Variants in FHIT observed in about 807,000 individuals in gnomAD.
FHIT encodes bis(5'-adenosyl)-triphosphatase.
FHIT carries 19 observed loss-of-function variants against 17.9 expected under a neutral mutation model. The observed-to-expected ratio is 1.06, with a 90% CI of 0.74 to 1.56. FHIT has a LOEUF of 1.56. Ranked by LOEUF, FHIT falls within the 40% of genes most tolerant of loss-of-function variation. The pLI is 0.00. For synonymous variants in FHIT, 81 were observed against 69.7 expected, an observed-to-expected ratio of 1.16 and a Z score of -0.81; for missense variants, 248 against 189.2, an observed-to-expected ratio of 1.31 and a Z score of -1.82.
At chr3:60,201,124 C>T (rs1702883659) in intron 5 of FHIT, among the ~76,000 whole-genome samples, 1 of 152,038 alleles carries the variant, frequency 6.6e-6, no homozygotes, top group Non-Finnish European at 1.5e-5. Flanking sequence ...TTTACTGCTC[C>T]CTCTAGCCTG....
intron 2 of FHIT, among the ~76,000 whole-genome samples, chr3:61,103,606 C>T (rs529506559): frequency 1.4e-4 from 22 of 152,240 alleles, no homozygotes; most frequent in Middle Eastern, 6.8e-3. Flanking sequence ...TCCTGGATAT[C>T]CTTGTTAACC....
chr3:59,868,067 C>T (rs1020472977), intron 8 of FHIT, among the ~76,000 whole-genome samples: 1 of 119,234 alleles, frequency 8.4e-6, no homozygotes, highest in Non-Finnish European at 1.8e-5. Flanking sequence ...AAAAAAAAAA[C>T]CTTTCATTGT....
At chr3:60,763,811 G>A (rs1699749725) in intron 4 of FHIT, among the ~76,000 whole-genome samples, 1 of 152,192 alleles carries the variant, frequency 6.6e-6, no homozygotes, top group African/African-American at 2.4e-5. Context: ...AATTTGAAAT[G>A]AAGTGGAAGA....
chr3:59,929,531 C>T (rs1039257532), intron 7 of FHIT, among the ~76,000 whole-genome samples: 6 of 151,654 alleles, frequency 4.0e-5, no homozygotes, highest in Admixed American at 6.6e-5. Context: ...CCACTATGCC[C>T]GGCTAATTTT....
At chr3:59,952,371 C>A (rs990554489) in intron 7 of FHIT, among the ~76,000 whole-genome samples, 26 of 152,156 alleles carry the variant, frequency 1.7e-4, no homozygotes, top group Non-Finnish European at 5.9e-5. Flanking sequence ...GGGTTGGAGA[C>A]CCTCGGGACA....
At chr3:61,093,099 A>G (rs2035536412) in intron 2 of FHIT, among the ~76,000 whole-genome samples, 1 of 152,180 alleles carries the variant, frequency 6.6e-6, no homozygotes, top group Non-Finnish European at 1.5e-5. Flanking sequence ...AATCTGCCAA[A>G]ATACCCAGGT....
intron 5 of FHIT, among the ~76,000 whole-genome samples, chr3:60,312,846 A>G (rs1162534110): frequency 6.6e-6 from 1 of 152,210 alleles, no homozygotes; most frequent in Admixed American, 6.5e-5. Flanking sequence ...AATGTTTAAA[A>G]ATAACAAAAC....
At chr3:59,761,610 T>A (rs60110381) in intron 8 of FHIT, among the ~76,000 whole-genome samples, 10,185 of 144,632 alleles carry the variant, frequency 0.07, 755 homozygotes, top group African/African-American at 0.19. Flanking sequence ...CAATTTATTT[T>A]ATTTTTTTTT....
chr3:60,353,260 C>T (rs1699501353), intron 5 of FHIT, among the ~76,000 whole-genome samples: 1 of 152,074 alleles, frequency 6.6e-6, no homozygotes, highest in African/African-American at 2.4e-5. Context: ...GGCCCTAAAA[C>T]ATTAAAAAAA....
At chr3:60,473,656 C>T (rs567427820) in intron 5 of FHIT, among the ~76,000 whole-genome samples, 1 of 152,298 alleles carries the variant, frequency 6.6e-6, no homozygotes, top group South Asian at 2.1e-4. Flanking sequence ...CAGTGGCTCA[C>T]GCCTGTAATC....
chr3:60,379,236 A>T (rs1055512023), intron 5 of FHIT, among the ~76,000 whole-genome samples: 6 of 152,122 alleles, frequency 3.9e-5, no homozygotes, highest in African/African-American at 1.4e-4. Context: ...TTCATTCTAA[A>T]TTTAAATACA....
chr3:59,985,063 A>C (rs1708831898), intron 7 of FHIT, among the ~76,000 whole-genome samples: 1 of 152,044 alleles, frequency 6.6e-6, no homozygotes, highest in Non-Finnish European at 1.5e-5. Flanking sequence ...TTTGTTTAGG[A>C]AACTCTTCAG....
intron 3 of FHIT, among the ~76,000 whole-genome samples, chr3:60,822,287 C>T (rs1701956822): frequency 6.6e-6 from 1 of 152,140 alleles, no homozygotes; most frequent in African/African-American, 2.4e-5. Context: ...ATTCCTAGTC[C>T]AGGGTTGTTT....
chr3:60,658,657 T>C (rs57725275), intron 4 of FHIT, among the ~76,000 whole-genome samples: 35,811 of 152,038 alleles, frequency 0.24, 4,948 homozygotes, highest in East Asian at 0.67. Flanking sequence ...TTTTAAAAGA[T>C]GTATTAGCTT....
chr3:59,823,203 T>C (rs140606621), intron 8 of FHIT, among the ~76,000 whole-genome samples: 83 of 152,344 alleles, frequency 5.4e-4, no homozygotes, highest in African/African-American at 1.8e-3. Context: ...GGCCTTATAG[T>C]ATAGTTCAAA....
chr3:60,930,465 C>T (rs1344535695), intron 3 of FHIT, among the ~76,000 whole-genome samples: 2 of 152,178 alleles, frequency 1.3e-5, no homozygotes, highest in East Asian at 1.9e-4. Context: ...GCAATCTACT[C>T]ATCTGACAAA....
intron 3 of FHIT, among the ~76,000 whole-genome samples, chr3:60,887,720 C>T (rs1553759628): frequency 6.6e-6 from 1 of 152,116 alleles, no homozygotes; most frequent in Non-Finnish European, 1.5e-5. Flanking sequence ...AGGGTTCTGA[C>T]TTCTGGCCAG....
chr3:61,024,755 T>C (rs1342797320), intron 3 of FHIT, among the ~76,000 whole-genome samples: 1 of 152,180 alleles, frequency 6.6e-6, no homozygotes, highest in African/African-American at 2.4e-5. Flanking sequence ...ATCTTCAAAA[T>C]GAAATATGAT....
intron 3 of FHIT, among the ~76,000 whole-genome samples, chr3:60,907,045 T>C (rs1457988979): frequency 1.3e-5 from 2 of 151,996 alleles, no homozygotes; most frequent in African/African-American, 4.8e-5. Context: ...CGATGGACAA[T>C]AGAACCCATG....
Sources: allele counts gnomAD v4.1 joint callset (sites outside exome capture counted in the v4.1 genomes callset), GRCh38; gene constraint gnomAD v4.1.1; transcripts MANE v1.5; gene names NCBI Gene and HGNC (gene_info 2026-07-23, HGNC 2026-07-21).